THSD7B: variants seen among roughly 807,000 people sequenced by gnomAD.
The protein encoded by THSD7B is thrombospondin type-1 domain-containing protein 7B.
Under a neutral mutation model 213.6 loss-of-function variants are expected in THSD7B, and 138 were observed. The ratio of observed to expected loss-of-function variants is 0.65; its 90% CI spans 0.56 to 0.74. THSD7B has a LOEUF of 0.74. Ranked by LOEUF, THSD7B falls within the 30% of genes least tolerant of loss-of-function variation. The pLI is 0.00. For missense variants in THSD7B, 1,931 were observed against 1,991.5 expected, an observed-to-expected ratio of 0.97 and a Z score of 0.58; for synonymous variants, 742 against 687.0, an observed-to-expected ratio of 1.08 and a Z score of -1.25.
chr2:136,821,020 A>G (rs1485226074), intron 1 of THSD7B, among the ~76,000 whole-genome samples: 1 of 152,238 alleles, frequency 6.6e-6, no homozygotes, highest in East Asian at 1.9e-4. Context: ...GAATAATATT[A>G]GGTAGAACCG....
chr2:137,108,352 A>G (rs987926640), intron 4 of THSD7B, among the ~76,000 whole-genome samples: 1 of 152,232 alleles, frequency 6.6e-6, no homozygotes, highest in Non-Finnish European at 1.5e-5. Context: ...TATTTTAAGA[A>G]TAGTTTCTTA....
chr2:137,354,159 A>G (rs10172370), intron 12 of THSD7B, among the ~76,000 whole-genome samples: 7,174 of 151,982 alleles, frequency 0.047, 518 homozygotes, highest in African/African-American at 0.16. Context: ...ATGTGTTCAT[A>G]TATTTGTCTT....
At chr2:137,449,091 CT>C (rs985889720) in intron 14 of THSD7B, among the ~76,000 whole-genome samples, 27 of 151,940 alleles carry the variant, frequency 1.8e-4, no homozygotes, top group African/African-American at 5.3e-4. Context: ...AGAAAATGAT[CT>C]TTTTTCCCCC....
At chr2:137,168,059 A>G (rs1680171641) in intron 6 of THSD7B, among the ~76,000 whole-genome samples, 2 of 152,246 alleles carry the variant, frequency 1.3e-5, no homozygotes, top group African/African-American at 4.8e-5. Flanking sequence ...CAAAATGGGA[A>G]TAGTAACTTA....
At chr2:137,674,833 G>A (rs897623303) in intron 27 of THSD7B, among the ~76,000 whole-genome samples, 9 of 152,088 alleles carry the variant, frequency 5.9e-5, no homozygotes, top group African/African-American at 2.2e-4. Flanking sequence ...AGGGTGGGGG[G>A]CACTGAGAGA....
intron 2 of THSD7B, among the ~76,000 whole-genome samples, chr2:137,041,660 CAT>C (rs1039806115): frequency 1.4e-4 from 21 of 147,024 alleles, no homozygotes; most frequent in African/African-American, 4.3e-4. Flanking sequence ...TTTAATATAA[CAT>C]ATAATATGTT....
At chr2:137,526,104 A>ACTCTTGGAGAGAGGCAGAGAGAGAGC (rs1680272764) in intron 15 of THSD7B, among the ~76,000 whole-genome samples, 1 of 151,286 alleles carries the variant, frequency 6.6e-6, no homozygotes, top group African/African-American at 2.4e-5. Flanking sequence ...TGGTTTTACT[A>ACTCTTGGAGAGAGGCAGAGAGAGAGC]CTCTTACTGC....
chr2:137,203,234 C>T (rs1332399838), intron 7 of THSD7B, among the ~76,000 whole-genome samples: 1 of 151,700 alleles, frequency 6.6e-6, no homozygotes, highest in African/African-American at 2.4e-5. Flanking sequence ...GTTTTATTCC[C>T]TGGTCTAGGG....
chr2:137,423,451 A>G (rs1686971717), intron 14 of THSD7B, among the ~76,000 whole-genome samples: 2 of 152,114 alleles, frequency 1.3e-5, no homozygotes, highest in Admixed American at 1.3e-4. Flanking sequence ...TTTGCAGAGT[A>G]TAAGATCAAT....
chr2:137,323,994 C>G (rs949707488), intron 12 of THSD7B, among the ~76,000 whole-genome samples: 1 of 152,048 alleles, frequency 6.6e-6, no homozygotes, highest in African/African-American at 2.4e-5. Context: ...CATCACTCTC[C>G]GAGGCTCATA....
intron 7 of THSD7B, among the ~76,000 whole-genome samples, chr2:137,200,911 C>T (rs1680863088): frequency 6.7e-6 from 1 of 149,554 alleles, no homozygotes; most frequent in Non-Finnish European, 1.5e-5. Flanking sequence ...TCAAGCGATC[C>T]TACTGCCTTG....
intron 2 of THSD7B, among the ~76,000 whole-genome samples, chr2:137,006,950 GA>G (rs1190642621): frequency 6.6e-6 from 1 of 152,118 alleles, no homozygotes; most frequent in Non-Finnish European, 1.5e-5. Context: ...AATTTAAAGA[GA>G]ATTTTTAATG....
intron 22 of THSD7B, 23 bp from the exon 23 acceptor site, chr2:137,656,773 C>A (rs749593295): frequency 1.7e-5 from 27 of 1,608,420 alleles, no homozygotes; most frequent in Non-Finnish European, 2.1e-5. Flanking sequence ...GTTTTCTCCA[C>A]CCTGTACTGC....
At chr2:136,794,975 A>T (rs1224179582) in intron 1 of THSD7B, among the ~76,000 whole-genome samples, 1 of 151,932 alleles carries the variant, frequency 6.6e-6, no homozygotes, top group Non-Finnish European at 1.5e-5. Context: ...CTATAGCCAT[A>T]CCTGCTTTCT....
chr2:137,418,505 A>G (rs2105022540), intron 14 of THSD7B, among the ~76,000 whole-genome samples: 1 of 152,360 alleles, frequency 6.6e-6, no homozygotes, highest in East Asian at 1.9e-4. Flanking sequence ...TATCAGGTTA[A>G]GTAGAACATT....
intron 1 of THSD7B, among the ~76,000 whole-genome samples, chr2:136,817,863 G>A (rs1682501308): frequency 6.7e-6 from 1 of 149,272 alleles, no homozygotes; most frequent in Non-Finnish European, 1.5e-5. Context: ...TCTCACACCA[G>A]TTAGAATGGC....
intron 2 of THSD7B, among the ~76,000 whole-genome samples, chr2:136,941,864 G>T (rs1444085510): frequency 1.3e-5 from 2 of 152,126 alleles, no homozygotes; most frequent in Non-Finnish European, 2.9e-5. Context: ...GATCCCATTT[G>T]TTTATTTTGG....
chr2:137,362,625 A>C lies in THSD7B; in HGVS notation c.2501-42988A>C, dbSNP rs187645627. On this transcript the variant is annotated intron_variant, in intron 12 of 27. Coordinates refer to ENST00000409968, the MANE Select transcript of THSD7B (RefSeq NM_001316349.2). ...AACAGTCTTTAAACCAACAAAGATCAAAAGAGACAAAGAAGGCCATTACAT... is the reference window on the plus strand; with the variant it reads ...AACAGTCTTTAAACCAACAAAGATCCAAAGAGACAAAGAAGGCCATTACAT... 2.8e-4 allele frequency among the ~76,000 whole-genome samples: 42 copies of C among 152,346 alleles called. 1 individual carries two copies. The East Asian group carries it at 4.4e-3, about 16-fold the overall frequency.
intron 15 of THSD7B, among the ~76,000 whole-genome samples, chr2:137,539,293 G>C (rs1016849199): frequency 6.6e-6 from 1 of 151,382 alleles, no homozygotes; most frequent in Admixed American, 6.6e-5. Context: ...TTTTTTTCAC[G>C]TGCAGGGTTT....
Sources: gnomAD v4.1 joint callset for allele counts (sites outside exome capture counted in the v4.1 genomes callset) on GRCh38, gnomAD v4.1.1 for gene constraint, MANE v1.5 for transcripts, NCBI Gene and HGNC (gene_info 2026-07-23, HGNC 2026-07-21) for gene names.